Variants in TBC1D16 observed in about 807,000 individuals in gnomAD.
TBC1D16 encodes the protein TBC1 domain family member 16.
A neutral mutation model predicts 74.7 loss-of-function variants in TBC1D16; 58 were observed. The ratio of observed to expected loss-of-function variants is 0.78; its 90% CI spans 0.63 to 0.97. The LOEUF is 0.97. Ranked by LOEUF, TBC1D16 falls within the 50% of genes least tolerant of loss-of-function variation. The probability of loss-of-function intolerance (pLI) is 0.00; values close to 1 mark genes in which losing one functional copy is unlikely to be tolerated. For synonymous variants in TBC1D16, 493 were observed against 474.7 expected (o/e 1.04, Z -0.50); for missense variants, 1,014 against 1,079.5 (o/e 0.94, Z 0.85).
At position 79,983,561 on chromosome 17, in the gene TBC1D16, T is replaced by G. The variant is rs777649152; in HGVS notation, c.779+26599A>C. 6.6e-6 allele frequency among the ~76,000 whole-genome samples: 1 copy of G among 152,178 alleles called. No homozygotes were observed. The highest frequency in any genetic ancestry group is 1.5e-5 in the Non-Finnish European group (1 of 68,024). ...CACGGGGAGCTGAGCCACCGACGGC[T>G]ACAAAGACGGGGACGCTTTCCTAGG... On this transcript the variant is annotated intron_variant, in intron 3 of 11. Coordinates refer to ENST00000310924, the MANE Select transcript of TBC1D16 (RefSeq NM_019020.4). This position sits in a 1 kb window ranked among gnomAD's most constrained non-coding sequence, Gnocchi z 5.6.
intron 1 of TBC1D16, among the ~76,000 whole-genome samples, chr17:80,030,357 G>A (rs998937281): frequency 6.6e-6 from 1 of 152,100 alleles, no homozygotes; most frequent in Non-Finnish European, 1.5e-5. Flanking sequence ...CAGGAGAGGA[G>A]CACGCCTGGG....
intron 1 of TBC1D16, chr17:80,023,942 C>G (rs2036384829): frequency 6.7e-6 from 1 of 150,338 alleles, no homozygotes; most frequent in Non-Finnish European, 1.5e-5. Context: ...GTCAGAAGAG[C>G]GGGAGGAAAG....
Position 79,993,953 on chromosome 17 carries a change from G to A in TBC1D16, c.779+16207C>T, listed in dbSNP as rs1437488760. On this transcript the variant is annotated intron_variant, in intron 3 of 11. Coordinates refer to ENST00000310924, the MANE Select transcript of TBC1D16 (RefSeq NM_019020.4). This position sits in a 1 kb window ranked among gnomAD's most constrained non-coding sequence, Gnocchi z 5.1. ...CAGCTGTCAATGGTTTCTGAGCTGC[G>A]GTGGAAAAGGCTGACAAGTTTCATT... 6.6e-6 allele frequency among the ~76,000 whole-genome samples: 1 copy of A among 152,126 alleles called. No individual in the cohort carries two copies. Among genetic ancestry groups the A allele is most frequent in the Non-Finnish European group, 1.5e-5 (1 of 68,028 alleles).
rs531923853 is a variant in TBC1D16 at position 79,941,728 on chromosome 17, C to T, written c.2055+332G>A. On this transcript the variant is annotated intron_variant, in intron 11 of 11. Transcript: ENST00000310924. The surrounding 1 kb of genome is among the most constrained non-coding windows in gnomAD (Gnocchi z 4.3). ...AGTGTTCCCAGTTCTGGGTTGTAAG[C>T]GAGGTACCCCAGGGTAGGGAACCTG... is the stretch of plus-strand genomic sequence containing the variant. 2.6e-5 allele frequency among the ~76,000 whole-genome samples: 4 copies of T among 152,322 alleles called. No homozygotes were observed. The highest frequency in any genetic ancestry group is 2.1e-4 in the South Asian group (1 of 4,820).
chr17:80,000,460 C>T lies in TBC1D16; in HGVS notation c.779+9700G>A, dbSNP rs2144589265. On this transcript the variant is annotated intron_variant, in intron 3 of 11. Transcript: ENST00000310924. The surrounding 1 kb of genome is among the most constrained non-coding windows in gnomAD (Gnocchi z 4.1). ...CAAGGAATGCCTGCAGCCACTCAAA[C>T]CGGAAGAGACCAGGAAGGACCCTCC... 6.6e-6 allele frequency among the ~76,000 whole-genome samples: 1 copy of T among 152,312 alleles called. No homozygotes were observed. The highest frequency in any genetic ancestry group is 2.4e-5 in the African/African-American group (1 of 41,578).
intron 3 of TBC1D16, among the ~76,000 whole-genome samples, chr17:79,976,337 A>G (rs750337584): frequency 1.4e-4 from 21 of 152,186 alleles, no homozygotes; most frequent in Admixed American, 4.6e-4. Context: ...TTTTAACCAT[A>G]AGGCATTTTC....
At chr17:79,947,497 C>G (rs2032643299) in intron 9 of TBC1D16, 148 bp downstream of exon 9, 1 of 850,782 alleles carries the variant, frequency 1.2e-6, no homozygotes, top group Non-Finnish European at 1.8e-6. Context: ...CCGCCCATAT[C>G]CCACGGGCAA....
At chr17:79,965,734 T>A (rs903426974) in intron 3 of TBC1D16, among the ~76,000 whole-genome samples, 9 of 152,150 alleles carry the variant, frequency 5.9e-5, no homozygotes, top group African/African-American at 1.9e-4. Flanking sequence ...AGCAGTCACA[T>A]CAACTGGAAA....
rs574775277 is a variant in TBC1D16 at position 79,941,958 on chromosome 17, C to T, written c.2055+102G>A. 4.9e-5 allele frequency: 52 copies of T among 1,067,804 alleles called. 1 individual carries two copies. Among genetic ancestry groups the T allele is most frequent in the African/African-American group, 4.1e-4 (18 of 44,422 alleles). The allele number at this position is 1,067,804 out of a possible 1,614,324, so 66.1% of individuals were successfully genotyped here. ...CATGGTGGGGATGGGGCTCTGGGGG[C>T]GGGGCCCACATCTGGGGCAGCCTCA... On this transcript the variant is annotated intron_variant, in intron 11 of 11. Coordinates refer to ENST00000310924, the MANE Select transcript of TBC1D16 (RefSeq NM_019020.4). The surrounding 1 kb of genome is among the most constrained non-coding windows in gnomAD (Gnocchi z 4.3).
rs181736591 is a variant in TBC1D16 at position 79,969,278 on chromosome 17, C to T, written c.780-16460G>A. 8.6e-4 allele frequency among the ~76,000 whole-genome samples: 131 copies of T among 152,026 alleles called. 1 individual carries two copies. The East Asian group carries it at 0.021, about 24-fold the overall frequency. ...GTGCACACCTATAATCCCAGCTACTCGGGAGGCTGAGGCAGGAGAATCGCT... is the reference window on the plus strand; with the variant it reads ...GTGCACACCTATAATCCCAGCTACTTGGGAGGCTGAGGCAGGAGAATCGCT... On this transcript the variant is annotated intron_variant, in intron 3 of 11. Transcript: ENST00000310924.
intron 1 of TBC1D16, among the ~76,000 whole-genome samples, chr17:80,017,621 T>C (rs1209894744): frequency 7.3e-6 from 1 of 136,222 alleles, no homozygotes; most frequent in Non-Finnish European, 1.5e-5. Context: ...GCAGAGGTTG[T>C]GGTGAGCCTA....
chr17:80,004,664 C>T (rs770935385), intron 3 of TBC1D16, among the ~76,000 whole-genome samples: 5 of 152,100 alleles, frequency 3.3e-5, no homozygotes, highest in East Asian at 1.9e-4. Flanking sequence ...CATGCAGAAG[C>T]GTTTGTCTTT....
chr17:79,947,596 A>G, intron 9 of TBC1D16, 49 bp downstream of exon 9: 1 of 1,594,584 alleles, frequency 6.3e-7, no homozygotes, highest in Non-Finnish European at 8.6e-7. Flanking sequence ...GGGAGAGGCA[A>G]CACGGGCCCT....
chr17:80,012,216 T>A (rs2035922447), intron 2 of TBC1D16, among the ~76,000 whole-genome samples: 1 of 152,152 alleles, frequency 6.6e-6, no homozygotes. Context: ...TAGGATAACA[T>A]GAGCCTGAGG....
rs1046719100 is a variant in TBC1D16, at chr17:80,035,766, C to T, written c.-63+29G>A. The T allele has an allele frequency of 3.4e-5, 5 of 147,048 alleles. No individual in the cohort carries two copies. The highest frequency in any genetic ancestry group is 7.3e-5 in the African/African-American group (3 of 40,932). The allele number at this position is 147,048 out of a possible 1,614,324, so 9.1% of individuals were successfully genotyped here. Reference sequence around the variant, plus strand: ...CGGTGGACCCCTCGGACCCCGCCCCCGCGGCCCCGTCCGGGCCCCGATACC... The same window carrying T: ...CGGTGGACCCCTCGGACCCCGCCCCTGCGGCCCCGTCCGGGCCCCGATACC... On this transcript the variant is annotated intron_variant, in intron 1 of 11. Coordinates refer to ENST00000310924, the MANE Select transcript of TBC1D16 (RefSeq NM_019020.4). The surrounding 1 kb of genome is among the most constrained non-coding windows in gnomAD (Gnocchi z 5.3).
intron 3 of TBC1D16, among the ~76,000 whole-genome samples, chr17:80,006,381 G>T (rs2035679811): frequency 6.6e-6 from 1 of 152,140 alleles, no homozygotes; most frequent in Non-Finnish European, 1.5e-5. Context: ...TGGGCATCAG[G>T]ATTTTTAAAG....
intron 1 of TBC1D16, among the ~76,000 whole-genome samples, chr17:80,029,200 T>A (rs2036690732): frequency 6.6e-6 from 1 of 152,066 alleles, no homozygotes; most frequent in South Asian, 2.1e-4. Context: ...GTAGCTGAAG[T>A]CTGCTTCCAG....
intron 3 of TBC1D16, 151 bp from the exon 4 acceptor site, chr17:79,952,969 GAATA>G (rs1422632806): frequency 1.3e-5 from 10 of 783,256 alleles, no homozygotes; most frequent in Non-Finnish European, 2.0e-5. Context: ...AAACACCTGT[GAATA>G]AATGAATGTA....
chr17:79,965,204 CA>C (rs1232953132), intron 3 of TBC1D16, among the ~76,000 whole-genome samples: 1 of 152,040 alleles, frequency 6.6e-6, no homozygotes, highest in Non-Finnish European at 1.5e-5. Context: ...CTCAGCCTCC[CA>C]AGTAGCTGGG....
Sources: allele counts gnomAD v4.1 joint callset (sites outside exome capture counted in the v4.1 genomes callset), GRCh38; gene constraint gnomAD v4.1.1; non-coding constraint Gnocchi (gnomAD v3.1); transcripts MANE v1.5; gene names NCBI Gene and HGNC (gene_info 2026-07-23, HGNC 2026-07-21).